The following ARHGAP26 variants were observed in gnomAD, a reference collection of about 807,000 sequenced individuals.
ARHGAP26 encodes the protein rho GTPase-activating protein 26.
Under a neutral mutation model 104.8 loss-of-function variants are expected in ARHGAP26, and 38 were observed. The ratio of observed to expected loss-of-function variants is 0.36; its 90% CI spans 0.28 to 0.48. The LOEUF is 0.48. Among genes scored for constraint, ARHGAP26 ranks in the 20% least tolerant of loss-of-function variants. The pLI is 0.99. For synonymous variants in ARHGAP26, 341 were observed against 340.0 expected, an observed-to-expected ratio of 1.00 and a Z score of -0.03; for missense variants, 704 against 947.9, an observed-to-expected ratio of 0.74 and a Z score of 3.38.
chr5:142,787,317 A>G (rs961302268), intron 1 of ARHGAP26, among the ~76,000 whole-genome samples: 2 of 152,174 alleles, frequency 1.3e-5, no homozygotes. Context: ...AAGAAGGGAA[A>G]TTTGGGGACA....
At chr5:142,923,263 G>A (rs1281343536) in intron 10 of ARHGAP26, among the ~76,000 whole-genome samples, 1 of 151,950 alleles carries the variant, frequency 6.6e-6, no homozygotes, top group Non-Finnish European at 1.5e-5. Flanking sequence ...GAATATACCA[G>A]TTTATTTACC....
intron 19 of ARHGAP26, among the ~76,000 whole-genome samples, chr5:143,146,771 A>G (rs1298317958): frequency 2.0e-5 from 3 of 152,230 alleles, no homozygotes; most frequent in Non-Finnish European, 4.4e-5. Flanking sequence ...GTGAGGCTCT[A>G]TGGAATTGGA....
chr5:143,175,251 G>A (rs1266941366), intron 20 of ARHGAP26, among the ~76,000 whole-genome samples: 1 of 152,184 alleles, frequency 6.6e-6, no homozygotes, highest in East Asian at 1.9e-4. Context: ...GGCAGAACTT[G>A]TAAACAGTTA....
chr5:142,856,167 A>G (rs1752324049), intron 1 of ARHGAP26, among the ~76,000 whole-genome samples: 1 of 152,222 alleles, frequency 6.6e-6, no homozygotes, highest in Non-Finnish European at 1.5e-5. Flanking sequence ...AGCTGCCCAT[A>G]CTGAGCAAGT....
chr5:142,959,971 GT>G (rs1190590170), intron 11 of ARHGAP26, among the ~76,000 whole-genome samples: 1 of 152,350 alleles, frequency 6.6e-6, no homozygotes, highest in East Asian at 1.9e-4. Context: ...GGATTGGTCT[GT>G]TTTTGTATTC....
chr5:143,121,913 A>T (rs1169035687), intron 18 of ARHGAP26, among the ~76,000 whole-genome samples: 1 of 152,342 alleles, frequency 6.6e-6, no homozygotes, highest in East Asian at 1.9e-4. Context: ...GGAATCTAAT[A>T]AAAAATGCTG....
At chr5:142,914,982 A>G (rs552418159) in intron 10 of ARHGAP26, among the ~76,000 whole-genome samples, 68 of 152,350 alleles carry the variant, frequency 4.5e-4, no homozygotes, top group Middle Eastern at 3.4e-3. Flanking sequence ...TGAAGAGGGC[A>G]TGCTTTGTGT....
chr5:143,112,472 A>C (rs1794894063), intron 17 of ARHGAP26, among the ~76,000 whole-genome samples: 2 of 151,712 alleles, frequency 1.3e-5, no homozygotes, highest in South Asian at 4.1e-4. Context: ...TGTTACTGTA[A>C]AATACATATA....
chr5:143,014,290 G>A (rs1373044231), intron 12 of ARHGAP26, 174 bp downstream of exon 12: 2 of 659,268 alleles, frequency 3.0e-6, no homozygotes, highest in Non-Finnish European at 5.4e-6. Flanking sequence ...ACTCCAGAGG[G>A]ACGGTAAGTG....
intron 1 of ARHGAP26, among the ~76,000 whole-genome samples, chr5:142,838,225 T>C (rs1013441346): frequency 6.6e-6 from 1 of 151,216 alleles, no homozygotes; most frequent in Non-Finnish European, 1.5e-5. Flanking sequence ...ACCACTGCAC[T>C]CCAGCCTGGG....
intron 20 of ARHGAP26, among the ~76,000 whole-genome samples, chr5:143,193,239 T>TC: frequency 7.6e-6 from 1 of 131,994 alleles, no homozygotes; most frequent in African/African-American, 3.1e-5. Context: ...TATTTTCTTT[T>TC]CTTTTTTTTT....
chr5:142,919,554 G>A, intron 10 of ARHGAP26: 1 of 397,374 alleles, frequency 2.5e-6, no homozygotes, highest in Non-Finnish European at 4.4e-6. Flanking sequence ...GCCTTTAAAT[G>A]GATAACTCAA....
intron 11 of ARHGAP26, among the ~76,000 whole-genome samples, chr5:142,998,204 GA>G (rs1776693014): frequency 6.6e-6 from 1 of 152,134 alleles, no homozygotes; most frequent in Non-Finnish European, 1.5e-5. Context: ...TTATATTTAT[GA>G]TTGTATTTGT....
At chr5:142,928,798 TG>T (rs542629678) in intron 10 of ARHGAP26, among the ~76,000 whole-genome samples, 3 of 152,258 alleles carry the variant, frequency 2.0e-5, no homozygotes, top group Non-Finnish European at 4.4e-5. Flanking sequence ...CATATACTGC[TG>T]GGTTATAATT....
chr5:143,123,740 C>T (rs1375568735), intron 18 of ARHGAP26, among the ~76,000 whole-genome samples: 1 of 152,078 alleles, frequency 6.6e-6, no homozygotes, highest in Non-Finnish European at 1.5e-5. Context: ...TGCCTAAAGC[C>T]CTAGCTATGG....
intron 17 of ARHGAP26, among the ~76,000 whole-genome samples, chr5:143,096,030 T>A (rs1043379841): frequency 9.2e-5 from 14 of 152,236 alleles, no homozygotes; most frequent in African/African-American, 4.8e-5. Flanking sequence ...GGTAATTTTT[T>A]AAAAAAATTA....
intron 11 of ARHGAP26, among the ~76,000 whole-genome samples, chr5:142,973,232 G>A (rs539007404): frequency 6.6e-6 from 1 of 152,276 alleles, no homozygotes; most frequent in Admixed American, 6.5e-5. Context: ...AAAAGGCATT[G>A]CTCAAAATAG....
chr5:143,227,225 A>G lies in ARHGAP26; in HGVS notation c.*4779A>G, dbSNP rs79681372. The G allele has an allele frequency of 4.5e-4, 103 of 229,756 alleles. No individual in the cohort carries two copies. The East Asian group carries it at 6.2e-3, about 14-fold the overall frequency. The allele number at this position is 229,756 out of a possible 1,614,324, so 14.2% of individuals were successfully genotyped here. A position where few individuals can be genotyped will look rare whatever the true frequency, so the allele number is the denominator to read the frequency against. ...AGTACTGAATGTTTTGTGAGCAACC[A>G]TGTTCCCCAAGTAGGTAGCCAGCGC... On this transcript the variant is annotated 3_prime_UTR_variant, in exon 23 of 23. Transcript: ENST00000645722.
At chr5:142,906,540 G>A (rs555273331) in intron 8 of ARHGAP26, among the ~76,000 whole-genome samples, 10 of 152,194 alleles carry the variant, frequency 6.6e-5, no homozygotes, top group African/African-American at 1.4e-4. Context: ...CCGTCCGTCC[G>A]TTATCCATCT....
Sources: gnomAD v4.1 joint callset for allele counts (sites outside exome capture counted in the v4.1 genomes callset) on GRCh38, gnomAD v4.1.1 for gene constraint, MANE v1.5 for transcripts, NCBI Gene and HGNC (gene_info 2026-07-23, HGNC 2026-07-21) for gene names.